The following ZNF883 variants were observed in gnomAD, a reference collection of about 807,000 sequenced individuals.
ZNF883 encodes the protein zinc finger protein 883.
chr9:112,990,294 A>G (rs1828289688), intron 1 of ZNF883, among the ~76,000 whole-genome samples: 1 of 152,030 alleles, frequency 6.6e-6, no homozygotes, highest in Non-Finnish European at 1.5e-5. Flanking sequence ...TTCCATCAAA[A>G]CCTAGTTTAT....
intron 2 of ZNF883, among the ~76,000 whole-genome samples, chr9:113,004,730 C>A (rs1348785382): frequency 1.3e-5 from 2 of 151,262 alleles, no homozygotes; most frequent in East Asian, 3.9e-4. Context: ...GTTACAGTAG[C>A]CCAAACTATC....
chr9:112,988,695 G>A (rs1055427641), intron 1 of ZNF883, among the ~76,000 whole-genome samples: 8 of 152,154 alleles, frequency 5.3e-5, no homozygotes, highest in African/African-American at 7.2e-5. Flanking sequence ...TGAGTCAAAT[G>A]ATATTTCTGG....
downstream of ZNF883, among the ~76,000 whole-genome samples, chr9:112,995,028 G>A (rs1413313011): frequency 6.6e-6 from 1 of 152,098 alleles, no homozygotes; most frequent in Non-Finnish European, 1.5e-5. Context: ...TTAATTTTAT[G>A]TGTCAACTTG....
chr9:113,004,929 T>G (rs1828460432), intron 2 of ZNF883, among the ~76,000 whole-genome samples: 1 of 151,858 alleles, frequency 6.6e-6, no homozygotes, highest in Non-Finnish European at 1.5e-5. Context: ...ATTTAATATA[T>G]GATAAAGGTA....
At chr9:112,997,395 A>G (rs1828372591) in exon 1 of ZNF883, 1 of 1,613,910 alleles carries the variant, frequency 6.2e-7, no homozygotes, top group South Asian at 1.1e-5. Context: ...GGTTTCACAC[A>G]AGAATGAATT....
upstream of ZNF883, chr9:112,999,667 T>A (rs1828403081): frequency 6.6e-6 from 1 of 152,142 alleles, no homozygotes; most frequent in African/African-American, 2.4e-5. Flanking sequence ...TTACTTACAT[T>A]TACCAGTTTA....
intron 2 of ZNF883, among the ~76,000 whole-genome samples, chr9:113,003,580 C>CAAAA (rs201780460): frequency 1.9e-5 from 2 of 103,862 alleles, no homozygotes; most frequent in Non-Finnish European, 3.9e-5. Flanking sequence ...AGTGGAGTCT[C>CAAAA]AAAAAAAAAA....
At chr9:112,999,080 G>A (rs1350098249), upstream of ZNF883, 1 of 152,108 alleles carries the variant, frequency 6.6e-6, no homozygotes, top group Non-Finnish European at 1.5e-5. Context: ...GCTTTGGAGT[G>A]GATGCTCTGA....
downstream of ZNF883, among the ~76,000 whole-genome samples, chr9:112,996,256 G>T (rs908629259): frequency 6.6e-6 from 1 of 151,754 alleles, no homozygotes; most frequent in Non-Finnish European, 1.5e-5. Context: ...AATTTTCTTT[G>T]TAACCATATA....
intron 2 of ZNF883, among the ~76,000 whole-genome samples, chr9:113,009,245 C>T (rs1210464733): frequency 3.3e-5 from 5 of 152,190 alleles, no homozygotes; most frequent in South Asian, 2.1e-4. Flanking sequence ...TCACCTCCTA[C>T]GTTTTCTCTT....
chr9:112,996,785 C>T (rs112130027), downstream of ZNF883, among the ~76,000 whole-genome samples: 897 of 75,558 alleles, frequency 0.012, 12 homozygotes, highest in African/African-American at 0.048. Flanking sequence ...AGCGAGACTC[C>T]GTCTCAAAAA....
chr9:112,998,064 C>T, exon 1 of ZNF883: 3 of 1,613,982 alleles, frequency 1.9e-6, no homozygotes, highest in Non-Finnish European at 2.5e-6. Flanking sequence ...TAAGGTTTCT[C>T]TCCAGTATGT....
At chr9:113,001,796 G>A (rs1324935), upstream of ZNF883, among the ~76,000 whole-genome samples, 71,405 of 151,960 alleles carry the variant, frequency 0.47, 18,482 homozygotes, top group East Asian at 0.81. Context: ...TAGTCTTCAG[G>A]AATTCTGCGA....
exon 1 of ZNF883, chr9:112,997,493 T>C (rs1330217031): frequency 6.2e-6 from 10 of 1,614,180 alleles, no homozygotes; most frequent in Non-Finnish European, 8.5e-6. Flanking sequence ...ATGAGTTCTC[T>C]GGTGTTCAGT....
chr9:112,988,282 A>G (rs780316538), intron 1 of ZNF883, among the ~76,000 whole-genome samples: 1 of 151,930 alleles, frequency 6.6e-6, no homozygotes, highest in Non-Finnish European at 1.5e-5. Context: ...TTAGCTATTG[A>G]TCCTGATCCT....
intron 2 of ZNF883, among the ~76,000 whole-genome samples, chr9:113,006,916 C>T (rs1828483578): frequency 6.6e-6 from 1 of 151,458 alleles, no homozygotes; most frequent in South Asian, 2.1e-4. Flanking sequence ...AAAATCTTGG[C>T]TGGGCACAGT....
downstream of ZNF883, among the ~76,000 whole-genome samples, chr9:112,992,960 G>C (rs986033926): frequency 6.6e-6 from 1 of 152,118 alleles, no homozygotes; most frequent in Non-Finnish European, 1.5e-5. Context: ...CTGGTTAATA[G>C]CTTCTGTAAT....
chr9:112,995,513 CCTCTCTCTCTCTTTCCTACTTTCCTTT>C (rs1368550104), downstream of ZNF883, among the ~76,000 whole-genome samples: 2 of 151,384 alleles, frequency 1.3e-5, no homozygotes, highest in African/African-American at 4.9e-5. Context: ...TCCCTTCCTT[CCTCTCTCTCTCTTTCCTACTTTCCTTT>C]CTCTCTCTCT....
At chr9:113,002,734 A>G (rs532526256), upstream of ZNF883, among the ~76,000 whole-genome samples, 1 of 152,206 alleles carries the variant, frequency 6.6e-6, no homozygotes, top group East Asian at 1.9e-4. Flanking sequence ...GAATCTCCCA[A>G]AGGCACATGT....
Sources: gnomAD v4.1 joint callset for allele counts (sites outside exome capture counted in the v4.1 genomes callset) on GRCh38, gnomAD v4.1.1 for gene constraint, MANE v1.5 for transcripts, NCBI Gene and HGNC (gene_info 2026-07-23, HGNC 2026-07-21) for gene names.